Variants in ANO2 observed in about 807,000 individuals in gnomAD.
ANO2 encodes anoctamin 2.
ANO2 carries 101 observed loss-of-function variants against 124.2 expected under a neutral mutation model. The observed-to-expected ratio is 0.81, with a 90% CI of 0.69 to 0.96. The LOEUF (loss-of-function observed/expected upper bound fraction) is 0.96. ANO2 is among the 40% of genes least tolerant of loss of function. ANO2 has a pLI of 0.00. For synonymous variants in ANO2, 486 were observed against 482.5 expected, an observed-to-expected ratio of 1.01 and a Z score of -0.09; for missense variants, 1,293 against 1,274.5, an observed-to-expected ratio of 1.01 and a Z score of -0.22.
intron 23 of ANO2, among the ~76,000 whole-genome samples, chr12:5,567,053 A>C (rs1941809906): frequency 6.6e-6 from 1 of 152,220 alleles, no homozygotes; most frequent in Non-Finnish European, 1.5e-5. Flanking sequence ...ACAAAGATAA[A>C]AAAGAGCGCA....
intron 3 of ANO2, among the ~76,000 whole-genome samples, chr12:5,911,045 C>A (rs932434833): frequency 1.6e-4 from 25 of 152,176 alleles, no homozygotes; most frequent in Admixed American, 1.6e-3. Flanking sequence ...TGATTTCACC[C>A]AGACCTTCAC....
In ANO2 at chr12:5,908,768, G is replaced by A. The variant is rs942363101; in HGVS notation, c.534+12272C>T. On this transcript the variant is annotated intron_variant, in intron 3 of 24. Transcript: ENST00000682330. This position sits in a 1 kb window ranked among gnomAD's most constrained non-coding sequence, Gnocchi z 4.7. Reference sequence around the variant, plus strand: ...GACACAGCTAACATCCCCAACAGCTGCTCTTCCTTTTGCTTCCATTGTAAC... The same window carrying A: ...GACACAGCTAACATCCCCAACAGCTACTCTTCCTTTTGCTTCCATTGTAAC... 6.6e-6 allele frequency among the ~76,000 whole-genome samples: 1 copy of A among 152,212 alleles called. No individual in the cohort carries two copies. Among genetic ancestry groups the A allele is most frequent in the Admixed American group, 6.5e-5 (1 of 15,280 alleles).
rs546181106 is a variant in ANO2 at position 5,866,024 on chromosome 12, A to C, written c.535-11883T>G. Reference sequence around the variant, plus strand: ...GAAACACCCCTACTGGAGCTCAGCCATATGTTTTTAGCAGAATTGATCCCA... The same window carrying C: ...GAAACACCCCTACTGGAGCTCAGCCCTATGTTTTTAGCAGAATTGATCCCA... On this transcript the variant is annotated intron_variant, in intron 3 of 24. Transcript: ENST00000682330. 3.3e-5 allele frequency among the ~76,000 whole-genome samples: 5 copies of C among 152,318 alleles called. No individual in the cohort carries two copies. The East Asian group carries it at 9.7e-4, about 29-fold the overall frequency.
At chr12:5,930,895 C>A (rs112803957) in intron 1 of ANO2, among the ~76,000 whole-genome samples, 6,221 of 152,250 alleles carry the variant, frequency 0.041, 168 homozygotes, top group South Asian at 0.11. Context: ...ATATCCGCCT[C>A]CTGGGCTCTG....
chr12:5,642,339 C>T (rs569334060), intron 15 of ANO2, among the ~76,000 whole-genome samples: 1 of 152,246 alleles, frequency 6.6e-6, no homozygotes, highest in Admixed American at 6.5e-5. Flanking sequence ...TGGACGTCTT[C>T]CCTGAACTCC....
Position 5,871,140 on chromosome 12 carries a change from A to G in ANO2, c.535-16999T>C, listed in dbSNP as rs540796751. On this transcript the variant is annotated intron_variant, in intron 3 of 24. Transcript: ENST00000682330. ...TGCCGACTCACAGGAAAACGGCCATAGAGAGATGGGAGCACTTAATGGTCT... is the reference window on the plus strand; with the variant it reads ...TGCCGACTCACAGGAAAACGGCCATGGAGAGATGGGAGCACTTAATGGTCT... Among the ~76,000 whole-genome samples, 10 of 152,332 alleles carry G rather than the reference A, an allele frequency of 6.6e-5. 1 individual carries two copies. The highest frequency in any genetic ancestry group is 1.9e-4 in the African/African-American group (8 of 41,570).
rs1040944042 is a variant in ANO2 at position 5,904,918 on chromosome 12, G to A, written c.534+16122C>T. 6.6e-6 allele frequency among the ~76,000 whole-genome samples: 1 copy of A among 152,198 alleles called. No homozygotes were observed. The highest frequency in any genetic ancestry group is 2.1e-4 in the South Asian group (1 of 4,836). ...GGATCAGCAGAACAAAGGGAACAGG[G>A]AACAAAATGATAAGAAGAGGATACT... On this transcript the variant is annotated intron_variant, in intron 3 of 24. Transcript: ENST00000682330. This position sits in a 1 kb window ranked among gnomAD's most constrained non-coding sequence, Gnocchi z 4.1.
In ANO2 at chr12:5,876,671, C is replaced by T. The variant is rs534613658; in HGVS notation, c.535-22530G>A. 6.6e-5 allele frequency among the ~76,000 whole-genome samples: 10 copies of T among 152,270 alleles called. No individual in the cohort carries two copies. The South Asian group carries it at 1.2e-3, about 19-fold the overall frequency. On this transcript the variant is annotated intron_variant, in intron 3 of 24. Transcript: ENST00000682330. The stretch of plus-strand genomic sequence containing the variant: ...AGCCATAAAAAAGATGAGTTAATAT[C>T]GTTTGCAGAGACATGGATGAAGCTG...
intron 3 of ANO2, among the ~76,000 whole-genome samples, chr12:5,886,691 G>C (rs1938935319): frequency 6.6e-6 from 1 of 152,178 alleles, no homozygotes. Context: ...GTGTTTGCAT[G>C]TGTTCAAACT....
chr12:5,737,335 C>A (rs1416337413), intron 13 of ANO2, among the ~76,000 whole-genome samples: 1 of 152,216 alleles, frequency 6.6e-6, no homozygotes, highest in Admixed American at 6.5e-5. Flanking sequence ...TCATGTACCT[C>A]CCAGGAAGTT....
At chr12:5,839,627 G>T in intron 4 of ANO2, 1 of 455,984 alleles carries the variant, frequency 2.2e-6, no homozygotes, top group Non-Finnish European at 4.4e-6. Flanking sequence ...CCTGAGCTTG[G>T]TGGTTGATTG....
chr12:5,730,151 C>T lies in ANO2; in HGVS notation c.1545+2369G>A, dbSNP rs537452107. ...ATAAAAATATGCATATTGAATTGTG[C>T]ATATATAAAAATATGCATATTGAAT... On this transcript the variant is annotated intron_variant, in intron 14 of 24. Coordinates refer to ENST00000682330, the MANE Select transcript of ANO2 (RefSeq NM_001364791.2). Among the ~76,000 whole-genome samples the T allele has an allele frequency of 7.2e-4, 109 of 151,904 alleles. 1 individual carries two copies. In the South Asian group the frequency reaches 0.021, roughly 29 times the overall value.
intron 16 of ANO2, among the ~76,000 whole-genome samples, chr12:5,622,762 G>C (rs926906595): frequency 1.3e-5 from 2 of 152,118 alleles, no homozygotes; most frequent in Non-Finnish European, 2.9e-5. Flanking sequence ...CCAAGAGTTT[G>C]AGACCAGCCT....
chr12:5,759,785 A>G (rs868526456), intron 10 of ANO2, among the ~76,000 whole-genome samples: 7 of 152,066 alleles, frequency 4.6e-5, no homozygotes, highest in Middle Eastern at 3.4e-3. Flanking sequence ...GAAAGAAAAA[A>G]AACTATTAAC....
chr12:5,900,443 G>T lies in ANO2; in HGVS notation c.534+20597C>A, dbSNP rs1419193476. 6.6e-6 allele frequency among the ~76,000 whole-genome samples: 1 copy of T among 152,150 alleles called. No homozygotes were observed. The highest frequency in any genetic ancestry group is 1.5e-5 in the Non-Finnish European group (1 of 68,032). Reference sequence around the variant, plus strand: ...TTTAAAAATGCATTTGTGAATTTGAGTATGTTACTGAACTTCCATGGACCT... The same window carrying T: ...TTTAAAAATGCATTTGTGAATTTGATTATGTTACTGAACTTCCATGGACCT... On this transcript the variant is annotated intron_variant, in intron 3 of 24. Coordinates refer to ENST00000682330, the MANE Select transcript of ANO2 (RefSeq NM_001364791.2). The surrounding 1 kb of genome is among the most constrained non-coding windows in gnomAD (Gnocchi z 4.2).
intron 14 of ANO2, among the ~76,000 whole-genome samples, chr12:5,697,952 G>T (rs1023420298): frequency 6.6e-6 from 1 of 152,224 alleles, no homozygotes; most frequent in African/African-American, 2.4e-5. Flanking sequence ...AAACAAAGCA[G>T]CCAGGAAGCT....
intron 14 of ANO2, among the ~76,000 whole-genome samples, chr12:5,696,754 T>C (rs1949197835): frequency 6.6e-6 from 1 of 152,192 alleles, no homozygotes; most frequent in African/African-American, 2.4e-5. Flanking sequence ...CATAGCAATA[T>C]ATTAAAATAA....
At chr12:5,852,104 G>T in intron 4 of ANO2, 1 of 652,002 alleles carries the variant, frequency 1.5e-6, no homozygotes, top group Non-Finnish European at 2.8e-6. Context: ...AGAAAGAGGA[G>T]ATAGGGTTGG....
intron 19 of ANO2, among the ~76,000 whole-genome samples, chr12:5,603,683 C>T (rs769067306): frequency 5.3e-5 from 8 of 152,098 alleles, no homozygotes; most frequent in Non-Finnish European, 7.4e-5. Context: ...CAGTGGCTCA[C>T]GCCTGTAATT....
Sources: gnomAD v4.1 joint callset for allele counts (sites outside exome capture counted in the v4.1 genomes callset) on GRCh38, gnomAD v4.1.1 for gene constraint, Gnocchi (gnomAD v3.1) non-coding constraint, MANE v1.5 for transcripts, NCBI Gene and HGNC (gene_info 2026-07-23, HGNC 2026-07-21) for gene names.